PPP1R42: variants seen among roughly 807,000 people sequenced by gnomAD.
PPP1R42 encodes leucine rich repeat containing 67.
A neutral mutation model predicts 31.0 loss-of-function variants in PPP1R42; 34 were observed. That is an observed-to-expected ratio of 1.10 (90% confidence interval 0.83 to 1.46). The LOEUF is 1.46. Ranked by LOEUF, PPP1R42 falls within the 40% of genes most tolerant of loss-of-function variation. The pLI, the probability that PPP1R42 is intolerant of heterozygous loss-of-function variation, is 0.00. For missense variants in PPP1R42, 268 were observed against 303.0 expected (o/e 0.88, Z 0.86); for synonymous variants, 103 against 109.8 (o/e 0.94, Z 0.39).
At position 67,010,555 on chromosome 8, in the gene PPP1R42, A is replaced by G. The variant is rs927334650; in HGVS notation, c.552+160T>C. 5.3e-5 allele frequency: 32 copies of G among 604,466 alleles called. No homozygotes were observed. In the South Asian group the frequency reaches 6.4e-4, roughly 12 times the overall value. 37.4% of individuals were successfully genotyped at this position (604,466 alleles called of 1,614,324 possible). A position where few individuals can be genotyped will look rare whatever the true frequency, so the allele number is the denominator to read the frequency against. On this transcript the variant is annotated intron_variant, in intron 5 of 7. Transcript: ENST00000685739. ...GAAAACTAAATAAGAGGACAGAATT[A>G]TACACATAAATACATTGAGAAGTAG...
At chr8:67,015,057 T>C (rs1323991843) in intron 2 of PPP1R42, among the ~76,000 whole-genome samples, 1 of 152,166 alleles carries the variant, frequency 6.6e-6, no homozygotes, top group Non-Finnish European at 1.5e-5. Flanking sequence ...CTCATTCTGT[T>C]GGCCAGGCTG....
chr8:66,990,149 C>G (rs1203944596), intron 5 of PPP1R42, among the ~76,000 whole-genome samples: 1 of 152,080 alleles, frequency 6.6e-6, no homozygotes, highest in South Asian at 2.1e-4. Flanking sequence ...TTAATAGAGC[C>G]GTAACTATCT....
intron 1 of PPP1R42, among the ~76,000 whole-genome samples, chr8:67,023,071 T>A (rs1816273366): frequency 6.6e-6 from 1 of 152,074 alleles, no homozygotes; most frequent in Non-Finnish European, 1.5e-5. Context: ...TAGTTAAAAT[T>A]TTTTCTTTTA....
At chr8:67,027,865 G>T (rs759189028) in intron 1 of PPP1R42, among the ~76,000 whole-genome samples, 1 of 151,966 alleles carries the variant, frequency 6.6e-6, no homozygotes, top group Admixed American at 6.6e-5. Flanking sequence ...CTCTCTCCCA[G>T]GCCACCGGTG....
chr8:67,018,230 C>T (rs1816078456), intron 1 of PPP1R42, among the ~76,000 whole-genome samples: 1 of 151,226 alleles, frequency 6.6e-6, no homozygotes, highest in Non-Finnish European at 1.5e-5. Flanking sequence ...ATTCTCCTGT[C>T]ACAAGCCTCC....
At chr8:66,988,892 A>T (rs1011047614) in intron 5 of PPP1R42, among the ~76,000 whole-genome samples, 1 of 152,060 alleles carries the variant, frequency 6.6e-6, no homozygotes, top group Non-Finnish European at 1.5e-5. Flanking sequence ...GTCCCTGGTG[A>T]TTGTAAGGAA....
intron 3 of PPP1R42, 55 bp downstream of exon 3, chr8:67,014,371 G>GTC (rs1190449121): frequency 2.2e-5 from 24 of 1,079,332 alleles, no homozygotes; most frequent in Non-Finnish European, 2.9e-5. Flanking sequence ...GCAAAAAAAT[G>GTC]TAAGTACCAT....
chr8:66,970,136 T>G (rs1204185585), intron 7 of PPP1R42, among the ~76,000 whole-genome samples: 1 of 152,130 alleles, frequency 6.6e-6, no homozygotes, highest in South Asian at 2.1e-4. Flanking sequence ...GGTATTTATT[T>G]ATTTAATTTA....
Position 67,014,605 on chromosome 8 carries a change from C to T in PPP1R42, c.130-13G>A. ...GAGAGAGGTCTTCCTAAAAGGGAAA[C>T]AAAAACATGTCAAATGTAATTTCTC... On this transcript the variant is annotated splice_polypyrimidine_tract_variant and intron_variant, in intron 2 of 7. Coordinates refer to ENST00000685739, the MANE Select transcript of PPP1R42 (RefSeq NM_001364910.1). 1.3e-6 allele frequency: 2 copies of T among 1,504,206 alleles called. No homozygotes were observed. Among genetic ancestry groups the T allele is most frequent in the Non-Finnish European group, 1.8e-6 (2 of 1,114,996 alleles). 93.2% of individuals were successfully genotyped at this position (1,504,206 alleles called of 1,614,324 possible).
intron 6 of PPP1R42, chr8:66,984,916 C>T (rs1182164259): frequency 5.2e-6 from 8 of 1,532,880 alleles, no homozygotes; most frequent in East Asian, 2.3e-5. Context: ...AAGATACACT[C>T]CCAAAGTAAC....
At chr8:67,008,202 T>C in intron 5 of PPP1R42, among the ~76,000 whole-genome samples, 1 of 152,264 alleles carries the variant, frequency 6.6e-6, no homozygotes, top group South Asian at 2.1e-4. Context: ...ATGCCTAATT[T>C]ATAAATTAAA....
intron 5 of PPP1R42, among the ~76,000 whole-genome samples, chr8:66,996,909 T>C (rs1160834583): frequency 6.6e-6 from 1 of 152,186 alleles, no homozygotes; most frequent in Non-Finnish European, 1.5e-5. Context: ...TCTAGCACTT[T>C]GGGAGGCTGA....
At chr8:67,020,899 T>A (rs1816195251) in intron 1 of PPP1R42, among the ~76,000 whole-genome samples, 1 of 152,180 alleles carries the variant, frequency 6.6e-6, no homozygotes, top group Non-Finnish European at 1.5e-5. Flanking sequence ...TAGCGTAAGC[T>A]ATGATCATGC....
intron 5 of PPP1R42, among the ~76,000 whole-genome samples, chr8:66,990,951 G>T (rs976318379): frequency 5.9e-5 from 9 of 152,172 alleles, no homozygotes; most frequent in African/African-American, 1.9e-4. Flanking sequence ...GGCCGTAGAA[G>T]TTTGTTCATT....
At chr8:67,023,806 G>GTT (rs553036503) in intron 1 of PPP1R42, among the ~76,000 whole-genome samples, 1 of 144,958 alleles carries the variant, frequency 6.9e-6, no homozygotes. Flanking sequence ...TCTGCTGTAA[G>GTT]TTTTTTTTTT....
intron 5 of PPP1R42, among the ~76,000 whole-genome samples, chr8:66,989,312 T>C (rs1011496330): frequency 6.6e-6 from 1 of 152,134 alleles, no homozygotes; most frequent in African/African-American, 2.4e-5. Flanking sequence ...CTGTCTCAGT[T>C]TGCTTTTTTC....
intron 2 of PPP1R42, among the ~76,000 whole-genome samples, chr8:67,015,941 C>T (rs1025378430): frequency 7.2e-5 from 11 of 152,116 alleles, no homozygotes; most frequent in African/African-American, 2.7e-4. Context: ...TTACTTTAAC[C>T]AATTTGCCTT....
chr8:66,984,871 G>A (rs1037440345), intron 6 of PPP1R42: 3 of 1,580,070 alleles, frequency 1.9e-6, no homozygotes, highest in African/African-American at 1.3e-5. Context: ...TTCCCTCCTT[G>A]TCTGTCTCTG....
chr8:67,024,678 C>T (rs1002437264), intron 1 of PPP1R42, among the ~76,000 whole-genome samples: 6 of 151,664 alleles, frequency 4.0e-5, no homozygotes, highest in Non-Finnish European at 5.9e-5. Context: ...GGGGTTTCAC[C>T]GTGTTAGCCA....
Sources: allele counts gnomAD v4.1 joint callset (sites outside exome capture counted in the v4.1 genomes callset), GRCh38; gene constraint gnomAD v4.1.1; transcripts MANE v1.5; gene names NCBI Gene and HGNC (gene_info 2026-07-23, HGNC 2026-07-21).